Variants in RBFOX1 observed in about 807,000 individuals in gnomAD.
The protein encoded by RBFOX1 is RNA binding protein fox-1 homolog 1.
In RBFOX1, 8 loss-of-function variants were observed where a neutral mutation model predicts 57.7. The observed-to-expected ratio is 0.14, with a 90% CI of 0.08 to 0.25. The LOEUF is 0.25. RBFOX1 is among the 10% of genes least tolerant of loss of function. The pLI is 1.00. For synonymous variants in RBFOX1, 326 were observed against 222.4 expected (o/e 1.47, Z -4.15); for missense variants, 611 against 548.5 (o/e 1.11, Z -1.14).
chr16:7,261,839 C>T lies in RBFOX1; in HGVS notation c.27+209741C>T, dbSNP rs139248011. On this transcript the variant is annotated intron_variant, in intron 4 of 15. Transcript: ENST00000550418. ...ATTACTGATATCCAGACCCTCTCCCCAAAGTCTTGGATTCATTTGTTCAGG... is the reference window on the plus strand; with the variant it reads ...ATTACTGATATCCAGACCCTCTCCCTAAAGTCTTGGATTCATTTGTTCAGG... 1.0e-3 allele frequency among the ~76,000 whole-genome samples: 158 copies of T among 152,290 alleles called. 1 individual carries two copies. Among genetic ancestry groups the T allele is most frequent in the Admixed American group, 8.9e-3 (136 of 15,288 alleles).
At chr16:7,334,449 G>A (rs1259990007) in intron 4 of RBFOX1, among the ~76,000 whole-genome samples, 2 of 152,110 alleles carry the variant, frequency 1.3e-5, no homozygotes, top group African/African-American at 4.8e-5. Flanking sequence ...GGTGAAGGTC[G>A]GCTGTTGGAG....
chr16:5,436,317 C>T (rs1415857158), intron 1 of RBFOX1, among the ~76,000 whole-genome samples: 1 of 152,118 alleles, frequency 6.6e-6, no homozygotes, highest in Non-Finnish European at 1.5e-5. Context: ...AAGTTGTGGG[C>T]ACTGGTTTTG....
At chr16:6,040,230 C>T (rs1220001701) in intron 1 of RBFOX1, among the ~76,000 whole-genome samples, 1 of 152,146 alleles carries the variant, frequency 6.6e-6, no homozygotes, top group African/African-American at 2.4e-5. Context: ...CCGTCTTAAC[C>T]ATTTTGAAGT....
chr16:6,362,635 A>G (rs1158685155), intron 2 of RBFOX1, among the ~76,000 whole-genome samples: 1 of 152,220 alleles, frequency 6.6e-6, no homozygotes, highest in Non-Finnish European at 1.5e-5. Flanking sequence ...ATGGCTTCAT[A>G]GACTGATACT....
At chr16:5,729,333 C>G (rs1381165164) in intron 3 of RBFOX1, among the ~76,000 whole-genome samples, 1 of 150,704 alleles carries the variant, frequency 6.6e-6, no homozygotes, top group Non-Finnish European at 1.5e-5. Flanking sequence ...GGCTGCAACA[C>G]TGGAAAGCAT....
intron 4 of RBFOX1, among the ~76,000 whole-genome samples, chr16:6,013,615 C>T (rs1048865259): frequency 1.4e-4 from 22 of 152,194 alleles, no homozygotes; most frequent in African/African-American, 5.1e-4. Flanking sequence ...CCACTCTAAC[C>T]ACTAGCCAGC....
chr16:5,943,909 C>G (rs142113794), intron 4 of RBFOX1, among the ~76,000 whole-genome samples: 2 of 152,008 alleles, frequency 1.3e-5, no homozygotes, highest in Non-Finnish European at 2.9e-5. Flanking sequence ...ACTCATCCAT[C>G]CATCCACTCC....
chr16:7,379,429 A>G (rs991553863), intron 4 of RBFOX1, among the ~76,000 whole-genome samples: 1 of 152,350 alleles, frequency 6.6e-6, no homozygotes, highest in East Asian at 1.9e-4. Flanking sequence ...AATACTAGAA[A>G]GCAGTGGGAA....
At chr16:6,552,082 G>A (rs1315954120) in intron 2 of RBFOX1, among the ~76,000 whole-genome samples, 2 of 152,148 alleles carry the variant, frequency 1.3e-5, no homozygotes, top group South Asian at 4.1e-4. Context: ...TATGCTTTTA[G>A]AAATCACTTC....
intron 3 of RBFOX1, among the ~76,000 whole-genome samples, chr16:5,673,436 G>C (rs2050075088): frequency 6.6e-6 from 1 of 152,298 alleles, no homozygotes; most frequent in East Asian, 1.9e-4. Context: ...AACTACTTCT[G>C]TGGATTTCCT....
intron 4 of RBFOX1, among the ~76,000 whole-genome samples, chr16:7,367,558 T>C (rs1473296301): frequency 6.6e-6 from 1 of 152,180 alleles, no homozygotes; most frequent in African/African-American, 2.4e-5. Context: ...CTGGAGTTAA[T>C]GGAAGAGATG....
chr16:6,854,796 A>C (rs1250829140), intron 3 of RBFOX1, among the ~76,000 whole-genome samples: 1 of 151,724 alleles, frequency 6.6e-6, no homozygotes, highest in Non-Finnish European at 1.5e-5. Flanking sequence ...GGGTTTCACC[A>C]TGTTAGCCAG....
At chr16:5,798,336 T>A (rs1019844693) in intron 3 of RBFOX1, among the ~76,000 whole-genome samples, 1 of 152,206 alleles carries the variant, frequency 6.6e-6, no homozygotes, top group Non-Finnish European at 1.5e-5. Flanking sequence ...AGTGTCGATT[T>A]CTCCCTATTG....
intron 3 of RBFOX1, among the ~76,000 whole-genome samples, chr16:5,712,919 C>T (rs987111986): frequency 2.6e-5 from 4 of 152,140 alleles, no homozygotes; most frequent in South Asian, 4.1e-4. Context: ...CATGTTTTTC[C>T]ATGGAGATTG....
intron 3 of RBFOX1, among the ~76,000 whole-genome samples, chr16:7,024,565 C>G (rs1000618420): frequency 6.6e-6 from 1 of 152,120 alleles, no homozygotes; most frequent in Non-Finnish European, 1.5e-5. Flanking sequence ...TGTGTAAACA[C>G]TGGGGCAGGT....
intron 1 of RBFOX1, among the ~76,000 whole-genome samples, chr16:6,156,454 T>C (rs2096839132): frequency 6.6e-6 from 1 of 152,270 alleles, no homozygotes; most frequent in South Asian, 2.1e-4. Context: ...CATGCCCATG[T>C]ATGTGAAGAG....
At chr16:6,863,880 G>A (rs2059451321) in intron 3 of RBFOX1, among the ~76,000 whole-genome samples, 1 of 151,104 alleles carries the variant, frequency 6.6e-6, no homozygotes, top group Non-Finnish European at 1.5e-5. Flanking sequence ...TATTTTGAAT[G>A]TTTATTAAAC....
At chr16:6,990,076 C>A (rs1228434476) in intron 3 of RBFOX1, among the ~76,000 whole-genome samples, 1 of 152,176 alleles carries the variant, frequency 6.6e-6, no homozygotes. Flanking sequence ...ATATACTCTT[C>A]AAGAGGTCAG....
At chr16:7,155,734 T>TACACACACACACACACAC (rs1347112963) in intron 4 of RBFOX1, among the ~76,000 whole-genome samples, 1 of 82,466 alleles carries the variant, frequency 1.2e-5, no homozygotes, top group African/African-American at 5.7e-5. Context: ...TATATATATA[T>TACACACACACACACACAC]ATATACACAC....
Sources: gnomAD v4.1 joint callset for allele counts (sites outside exome capture counted in the v4.1 genomes callset) on GRCh38, gnomAD v4.1.1 for gene constraint, MANE v1.5 for transcripts, NCBI Gene and HGNC (gene_info 2026-07-23, HGNC 2026-07-21) for gene names.